ENTREP2: variants seen among roughly 807,000 people sequenced by gnomAD.
ENTREP2 encodes endosomal transmembrane epsin interactor 2, also known as protein ENTREP2.
At chr15:29,290,818 T>C in the ENTREP2 span, among the ~76,000 whole-genome samples, 15 of 152,264 alleles carry the variant, frequency 9.9e-5, no homozygotes, top group South Asian at 4.1e-4. Flanking sequence ...TGCCAGGGCA[T>C]TGTTGAGACT....
chr15:29,150,173 G>A, the ENTREP2 span, among the ~76,000 whole-genome samples: 1 of 152,216 alleles, frequency 6.6e-6, no homozygotes, highest in South Asian at 2.1e-4. Context: ...GGCACAGGTA[G>A]GTTCAGTGAC....
At chr15:29,363,786 C>G in the ENTREP2 span, among the ~76,000 whole-genome samples, 4 of 152,182 alleles carry the variant, frequency 2.6e-5, no homozygotes, top group Admixed American at 2.0e-4. Flanking sequence ...TGACAAGAAT[C>G]GAGCATTTAT....
the ENTREP2 span, among the ~76,000 whole-genome samples, chr15:29,656,742 T>A: frequency 1.3e-5 from 2 of 152,210 alleles, no homozygotes; most frequent in African/African-American, 4.8e-5. Context: ...TCATATCTTA[T>A]CTTGCTTGAA....
the ENTREP2 span, among the ~76,000 whole-genome samples, chr15:29,410,174 T>G: frequency 6.6e-6 from 1 of 152,230 alleles, no homozygotes; most frequent in Non-Finnish European, 1.5e-5. Context: ...TAGATGCTTG[T>G]GGAATCCCAT....
the ENTREP2 span, among the ~76,000 whole-genome samples, chr15:29,241,128 A>C: frequency 7.9e-5 from 12 of 152,308 alleles, no homozygotes; most frequent in African/African-American, 2.9e-4. Flanking sequence ...TTTCTTTATA[A>C]TGAAATTAGT....
the ENTREP2 span, among the ~76,000 whole-genome samples, chr15:29,565,564 T>C: frequency 6.6e-6 from 1 of 152,186 alleles, no homozygotes; most frequent in Non-Finnish European, 1.5e-5. Flanking sequence ...ATAATAATAA[T>C]GAGTTATGGC....
the ENTREP2 span, among the ~76,000 whole-genome samples, chr15:29,298,529 G>A: frequency 6.6e-6 from 1 of 152,126 alleles, no homozygotes; most frequent in East Asian, 1.9e-4. Flanking sequence ...ATGGAAAGGA[G>A]GTATCACTTC....
chr15:29,345,434 A>G, the ENTREP2 span, among the ~76,000 whole-genome samples: 1 of 151,840 alleles, frequency 6.6e-6, no homozygotes, highest in Non-Finnish European at 1.5e-5. Flanking sequence ...CTGGGCAAGC[A>G]CACCCCACCT....
chr15:29,525,853 C>A, the ENTREP2 span, among the ~76,000 whole-genome samples: 2 of 151,578 alleles, frequency 1.3e-5, no homozygotes, highest in African/African-American at 4.9e-5. Flanking sequence ...AACTGTATAC[C>A]CAGAAAACAA....
the ENTREP2 span, among the ~76,000 whole-genome samples, chr15:29,198,927 T>C: frequency 6.6e-6 from 1 of 152,392 alleles, no homozygotes; most frequent in African/African-American, 2.4e-5. Flanking sequence ...CATATAAATA[T>C]AGTTGATCAT....
At chr15:29,552,793 T>C in the ENTREP2 span, among the ~76,000 whole-genome samples, 1 of 152,128 alleles carries the variant, frequency 6.6e-6, no homozygotes, top group Non-Finnish European at 1.5e-5. Context: ...GTTGACTGTT[T>C]GCAGAATTTT....
chr15:29,622,121 AGAT>A, the ENTREP2 span, among the ~76,000 whole-genome samples: 25 of 152,100 alleles, frequency 1.6e-4, no homozygotes, highest in Non-Finnish European at 3.1e-4. Context: ...TCCTGGAGAT[AGAT>A]GATGGGGATG....
the ENTREP2 span, among the ~76,000 whole-genome samples, chr15:29,157,812 T>C: frequency 6.6e-6 from 1 of 151,556 alleles, no homozygotes. Context: ...TCACTGCAAC[T>C]TCCACCTCCC....
At chr15:29,214,515 A>G in the ENTREP2 span, among the ~76,000 whole-genome samples, 1 of 152,262 alleles carries the variant, frequency 6.6e-6, no homozygotes, top group South Asian at 2.1e-4. Context: ...AGGAAGGGGA[A>G]TATCACACAC....
chr15:29,328,952 G>GA, the ENTREP2 span, among the ~76,000 whole-genome samples: 1 of 152,236 alleles, frequency 6.6e-6, no homozygotes, highest in Non-Finnish European at 1.5e-5. Flanking sequence ...GTAGGTGCCT[G>GA]AAAAAACAGA....
At chr15:29,185,974 G>A in the ENTREP2 span, among the ~76,000 whole-genome samples, 2 of 152,118 alleles carry the variant, frequency 1.3e-5, no homozygotes, top group African/African-American at 2.4e-5. Context: ...TGATCTCCAG[G>A]TAGGCTCCAT....
the ENTREP2 span, among the ~76,000 whole-genome samples, chr15:29,480,275 C>T: frequency 7.1e-6 from 1 of 140,646 alleles, no homozygotes; most frequent in Non-Finnish European, 1.5e-5. Context: ...GTTTTAAGGG[C>T]TCATCCTACG....
the ENTREP2 span, among the ~76,000 whole-genome samples, chr15:29,153,297 T>C: frequency 5.3e-5 from 8 of 152,316 alleles, no homozygotes; most frequent in Non-Finnish European, 1.0e-4. Context: ...CAGGCTGCTA[T>C]TACAAAAATA....
At chr15:29,446,072 C>T in the ENTREP2 span, among the ~76,000 whole-genome samples, 5,369 of 152,184 alleles carry the variant, frequency 0.035, 134 homozygotes, top group South Asian at 0.11. Context: ...ATTAAGAGGC[C>T]GAAGAGAGCT....
Sources: gnomAD v4.1 joint callset for allele counts (sites outside exome capture counted in the v4.1 genomes callset) on GRCh38, gnomAD v4.1.1 for gene constraint, MANE v1.5 for transcripts, NCBI Gene and HGNC (gene_info 2026-07-23, HGNC 2026-07-21) for gene names.